The following ZNF679 variants were observed in gnomAD, a reference collection of about 807,000 sequenced individuals.
ZNF679 encodes the protein hypothetical protein MGC42415.
Under a neutral mutation model 13.4 loss-of-function variants are expected in ZNF679, and 10 were observed. The ratio of observed to expected loss-of-function variants is 0.75; its 90% CI spans 0.46 to 1.27. The LOEUF (loss-of-function observed/expected upper bound fraction) is 1.27, where lower values mean the gene tolerates loss of function less well. Ranked by LOEUF, ZNF679 falls within the 50% of genes most tolerant of loss-of-function variation. The pLI, the probability that ZNF679 is intolerant of heterozygous loss-of-function variation, is 0.00. For synonymous variants in ZNF679, 179 were observed against 162.5 expected (o/e 1.10, Z -0.77); for missense variants, 525 against 477.8 (o/e 1.10, Z -0.92).
At position 64,266,322 on chromosome 7, in the gene ZNF679, A is replaced by G. The variant is rs1323625953; in HGVS notation, c.689A>G (p.His230Arg). 1.2e-6 allele frequency: 2 copies of G among 1,612,782 alleles called. No individual in the cohort carries two copies. Among genetic ancestry groups the G allele is most frequent in the African/African-American group, 1.3e-5 (1 of 74,994 alleles). The change falls in exon 5 of 5, where the codon CAT becomes CGT. Residue 230 changes from histidine to arginine, a missense_variant. Physicochemically the swap from His to Arg is conservative, Grantham distance 29. Transcript: ENST00000421025. ...AACTGCTCTTCAACCCTTTCTAAAC[A>G]TAAAAGAATTCATACTGGAGAGAAA... ...PFNCSSTLSKHKRIHTGEKPY... is the reference protein window; with the variant it reads ...PFNCSSTLSKRKRIHTGEKPY...
In ZNF679 at chr7:64,260,148, T is replaced by C. The variant is rs1278981250; in HGVS notation, c.40-73T>C. ...CTCTCTAACTTGAGTCAAATAAAAATCTCTGCCTACGGCCACATAGTAAGT... is the reference window on the plus strand; with the variant it reads ...CTCTCTAACTTGAGTCAAATAAAAACCTCTGCCTACGGCCACATAGTAAGT... On this transcript the variant is annotated intron_variant, in intron 2 of 4. Transcript: ENST00000421025. The C allele has an allele frequency of 2.9e-6, 4 of 1,373,152 alleles. No homozygotes were observed. In the African/African-American group the frequency reaches 4.4e-5, roughly 15 times the overall value. 85.1% of individuals were successfully genotyped at this position (1,373,152 alleles called of 1,614,324 possible). A position where few individuals can be genotyped will look rare whatever the true frequency, so the allele number is the denominator to read the frequency against.
intron 2 of ZNF679, among the ~76,000 whole-genome samples, chr7:64,258,528 C>A (rs1788034366): frequency 6.6e-6 from 1 of 150,928 alleles, no homozygotes; most frequent in African/African-American, 2.4e-5. Flanking sequence ...TGGTGAAAGT[C>A]CGTCTCTATT....
At chr7:64,251,086 T>C (rs1252820600) in intron 2 of ZNF679, among the ~76,000 whole-genome samples, 2 of 152,200 alleles carry the variant, frequency 1.3e-5, no homozygotes, top group Non-Finnish European at 2.9e-5. Flanking sequence ...TTAAAAGTCA[T>C]TGGATGACAC....
Position 64,246,735 on chromosome 7 carries a change from AAAG to A in ZNF679, c.-90-2290_-90-2288del, listed in dbSNP as rs1787875857. Among the ~76,000 whole-genome samples, 12 of 151,740 alleles carry A rather than the reference AAAG, an allele frequency of 7.9e-5. No individual in the cohort carries two copies. The Admixed American group carries it at 7.9e-4, about 10-fold the overall frequency. On this transcript the variant is annotated intron_variant, in intron 1 of 4. Coordinates refer to ENST00000421025, the MANE Select transcript of ZNF679 (RefSeq NM_153363.3). ...AGGACTCTGTCAAAAGAAAGAAAGA[AAAG>A]AAAGAAAAAGAAAGAGAAAGAAAGG... is the stretch of plus-strand genomic sequence containing the variant.
chr7:64,265,638 C>CA (rs958108078), intron 4 of ZNF679, among the ~76,000 whole-genome samples: 1 of 152,246 alleles, frequency 6.6e-6, no homozygotes, highest in South Asian at 2.1e-4. Context: ...GTAAATGTAT[C>CA]AGACTTTTCT....
In ZNF679 at chr7:64,266,523, C is replaced by T; in HGVS notation, c.890C>T (p.Thr297Ile). Residue 297 changes from threonine to isoleucine, a missense_variant, in exon 5 of 5, where the codon ACA (threonine) becomes ATA (isoleucine). Physicochemically the swap from Thr to Ile is moderately conservative, Grantham distance 89. Transcript: ENST00000421025. Reference protein sequence around the residue: ...KRIHTGEKPYTCEECGKAFSL... With the variant: ...KRIHTGEKPYICEECGKAFSL... ...ATTCATACTGGAGAGAAACCATACA[C>T]ATGTGAAGAATGTGGCAAAGCCTTT... 1 of 1,611,866 alleles carries T rather than the reference C, an allele frequency of 6.2e-7. No homozygotes were observed. Among genetic ancestry groups the T allele is most frequent in the Non-Finnish European group, 8.5e-7 (1 of 1,178,584 alleles).
chr7:64,253,450 G>A (rs1315324080), intron 2 of ZNF679, among the ~76,000 whole-genome samples: 1 of 152,150 alleles, frequency 6.6e-6, no homozygotes, highest in African/African-American at 2.4e-5. Flanking sequence ...CCTTTATACT[G>A]AGATGAGCAA....
rs532456340 is a variant in ZNF679 at position 64,241,741 on chromosome 7, C to T, written c.-90-7287C>T. On this transcript the variant is annotated intron_variant, in intron 1 of 4. Coordinates refer to ENST00000421025, the MANE Select transcript of ZNF679 (RefSeq NM_153363.3). ...GGACCCAGGCCGAAAAAGAGACTCA[C>T]TTCACTTTGATGATTGGCCCAGAGA... Among the ~76,000 whole-genome samples the T allele has an allele frequency of 1.2e-4, 18 of 152,358 alleles. 1 individual carries two copies. Among genetic ancestry groups the T allele is most frequent in the Admixed American group, 9.8e-4 (15 of 15,310 alleles).
intron 2 of ZNF679, among the ~76,000 whole-genome samples, chr7:64,258,295 A>G (rs1467442871): frequency 6.6e-6 from 1 of 152,172 alleles, no homozygotes; most frequent in Non-Finnish European, 1.5e-5. Context: ...TTAAAGGCAT[A>G]TTCTCAAGAT....
chr7:64,265,968 C>G lies in ZNF679; in HGVS notation c.335C>G (p.Pro112Arg), dbSNP rs530487686. 5.9e-5 allele frequency: 96 copies of G among 1,613,624 alleles called. No individual in the cohort carries two copies. The South Asian group carries it at 1.0e-3, about 17-fold the overall frequency. ...AAAGATTCACTCCAAAAAGTAATAC[C>G]AAGAAGATATGGAAAAAGTGGACAT... ...GIKDSLQKVI[P>R]RRYGKSGHDN... The change falls in exon 5 of 5, where the codon CCA becomes CGA. Residue 112 changes from proline (P) to arginine (R), a missense_variant. By Grantham distance (103) the Pro-to-Arg change is moderately radical. Coordinates refer to ENST00000421025, the MANE Select transcript of ZNF679 (RefSeq NM_153363.3).
chr7:64,235,744 A>G (rs1340112573), intron 1 of ZNF679, among the ~76,000 whole-genome samples: 1 of 151,734 alleles, frequency 6.6e-6, no homozygotes, highest in Non-Finnish European at 1.5e-5. Context: ...AGCCGAGATC[A>G]TGCCACTGCA....
intron 2 of ZNF679, among the ~76,000 whole-genome samples, chr7:64,255,241 C>T (rs1272440016): frequency 6.6e-6 from 1 of 152,110 alleles, no homozygotes; most frequent in Admixed American, 6.6e-5. Context: ...TAACAGACCT[C>T]CTTCTTTCAC....
chr7:64,232,406 C>T (rs982660957), intron 1 of ZNF679, among the ~76,000 whole-genome samples: 3 of 152,186 alleles, frequency 2.0e-5, no homozygotes, highest in East Asian at 1.9e-4. Flanking sequence ...TGTAATAAGC[C>T]TAACTACAAT....
rs115195957 is a variant in ZNF679, at chr7:64,235,347, G to T, written c.-91+6695G>T. 7.1e-3 allele frequency among the ~76,000 whole-genome samples: 1,035 copies of T among 145,944 alleles called. 19 individuals carry two copies. Among genetic ancestry groups the T allele is most frequent in the African/African-American group, 0.025 (988 of 39,978 alleles). ...AACTTCTGAGATACAAAAAAAAAAA[G>T]ACAAACCCACAAAACAGTTCTAAAA... On this transcript the variant is annotated intron_variant, in intron 1 of 4. Coordinates refer to ENST00000421025, the MANE Select transcript of ZNF679 (RefSeq NM_153363.3).
At chr7:64,232,960 G>C (rs1217272971) in intron 1 of ZNF679, among the ~76,000 whole-genome samples, 2 of 152,196 alleles carry the variant, frequency 1.3e-5, no homozygotes, top group African/African-American at 2.4e-5. Flanking sequence ...AGAGTCATAG[G>C]CTGGGTGTGC....
intron 1 of ZNF679, among the ~76,000 whole-genome samples, chr7:64,228,992 T>C (rs2116501010): frequency 1.3e-5 from 2 of 152,028 alleles, no homozygotes; most frequent in East Asian, 3.9e-4. Context: ...CTTTGTACCA[T>C]TTGAGATCTT....
At chr7:64,253,771 A>G (rs1289387039) in intron 2 of ZNF679, among the ~76,000 whole-genome samples, 1 of 152,202 alleles carries the variant, frequency 6.6e-6, no homozygotes. Flanking sequence ...GCAAAATTAG[A>G]TTCTAGATCA....
intron 2 of ZNF679, among the ~76,000 whole-genome samples, chr7:64,257,308 T>G (rs1300597098): frequency 6.6e-6 from 1 of 152,178 alleles, no homozygotes; most frequent in African/African-American, 2.4e-5. Flanking sequence ...GTTTCAAAAC[T>G]TTTTTTATTT....
At chr7:64,245,996 G>C (rs192211250) in intron 1 of ZNF679, among the ~76,000 whole-genome samples, 2 of 152,256 alleles carry the variant, frequency 1.3e-5, no homozygotes, top group East Asian at 1.9e-4. Context: ...ACAAGAGCGA[G>C]ACTCCGTCTC....
Sources: allele counts gnomAD v4.1 joint callset (sites outside exome capture counted in the v4.1 genomes callset), GRCh38; gene constraint gnomAD v4.1.1; transcripts MANE v1.5; gene names NCBI Gene and HGNC (gene_info 2026-07-23, HGNC 2026-07-21).